The following LAMA1 variants were observed in gnomAD, a reference collection of about 807,000 sequenced individuals.
LAMA1 encodes the protein laminin subunit alpha 1, also known as laminin subunit alpha-1.
In LAMA1, 219 loss-of-function variants were observed where a neutral mutation model predicts 348.7. The observed-to-expected ratio is 0.63, with a 90% CI of 0.56 to 0.70. The LOEUF (loss-of-function observed/expected upper bound fraction) is 0.70, where lower values mean the gene tolerates loss of function less well. LAMA1 is among the 30% of genes least tolerant of loss of function. LAMA1 has a pLI of 0.00. For missense variants in LAMA1, 3,744 were observed against 3,888.0 expected, an observed-to-expected ratio of 0.96 and a Z score of 0.99; for synonymous variants, 1,487 against 1,491.0, an observed-to-expected ratio of 1.00 and a Z score of 0.06.
At chr18:6,955,228 G>A (rs1252427018) in intron 57 of LAMA1, 125 bp downstream of exon 57, 1 of 762,870 alleles carries the variant, frequency 1.3e-6, no homozygotes, top group Non-Finnish European at 2.3e-6. Context: ...TTGCCATTTG[G>A]TTGCAAATCA....
intron 18 of LAMA1, 123 bp from the exon 19 acceptor site, chr18:7,023,498 A>T: frequency 1.2e-6 from 1 of 832,878 alleles, no homozygotes; most frequent in Non-Finnish European, 2.0e-6. Context: ...ATTTACTGTG[A>T]AAGGGATATG....
chr18:7,009,524 T>C (rs774221277), intron 26 of LAMA1, among the ~76,000 whole-genome samples, 158 bp from the exon 27 acceptor site: 1 of 152,150 alleles, frequency 6.6e-6, no homozygotes, highest in African/African-American at 2.4e-5. Context: ...GAAACCTCCA[T>C]GGACAGGCGC....
At chr18:7,093,944 T>C (rs2058250290) in intron 1 of LAMA1, among the ~76,000 whole-genome samples, 1 of 151,766 alleles carries the variant, frequency 6.6e-6, no homozygotes, top group Admixed American at 6.6e-5. Flanking sequence ...CCCGGCTAAT[T>C]TTTTGTATTT....
chr18:7,095,036 C>T (rs1251146626), intron 1 of LAMA1, among the ~76,000 whole-genome samples: 1 of 147,864 alleles, frequency 6.8e-6, no homozygotes, highest in Non-Finnish European at 1.5e-5. Flanking sequence ...TCTATAGATT[C>T]TATCCGATTC....
intron 29 of LAMA1, among the ~76,000 whole-genome samples, chr18:7,006,344 T>C (rs1332448463): frequency 6.6e-6 from 1 of 152,072 alleles, no homozygotes; most frequent in Non-Finnish European, 1.5e-5. Context: ...GTGAATAATG[T>C]GCTGTTATCA....
At chr18:7,114,348 A>T (rs1477145284) in intron 1 of LAMA1, among the ~76,000 whole-genome samples, 27 of 152,218 alleles carry the variant, frequency 1.8e-4, no homozygotes. Context: ...GAAGTTAAGA[A>T]ACTTAGCCAT....
rs376978257 is a variant in LAMA1, at chr18:7,042,268, C to T, written c.1156-18G>A. ...GGAGACACCTGAAAGGCAGAGGTTGCCCTGGATTCTCTTACTAGAAATAAC... is the reference window on the plus strand; with the variant it reads ...GGAGACACCTGAAAGGCAGAGGTTGTCCTGGATTCTCTTACTAGAAATAAC... On this transcript the variant is annotated intron_variant, in intron 8 of 62. Transcript: ENST00000389658. 4.7e-6 allele frequency: 7 copies of T among 1,476,476 alleles called. No individual in the cohort carries two copies. The African/African-American group carries it at 9.7e-5, about 21-fold the overall frequency. The allele number at this position is 1,476,476 out of a possible 1,614,324, so 91.5% of individuals were successfully genotyped here. A position where few individuals can be genotyped will look rare whatever the true frequency, so the allele number is the denominator to read the frequency against.
At position 7,056,767 on chromosome 18, in the gene LAMA1, G is replaced by A. The variant is rs189040659; in HGVS notation, c.346-5831C>T. On this transcript the variant is annotated intron_variant, in intron 3 of 62. Coordinates refer to ENST00000389658, the MANE Select transcript of LAMA1 (RefSeq NM_005559.4). ...GTTATTCTGTTAGGTGGGGGAACAC[G>A]ATGGAGAGTGTGCAAGAAACAAAGA... Among the ~76,000 whole-genome samples the A allele has an allele frequency of 2.5e-3, 379 of 152,302 alleles. 4 individuals are homozygous for A. The highest frequency in any genetic ancestry group is 8.5e-3 in the African/African-American group (353 of 41,568).
rs751073243 is a variant in LAMA1 at position 7,040,236 on chromosome 18, C to T, written c.1262G>A (p.Gly421Glu). 6 of 1,613,892 alleles carry T rather than the reference C, an allele frequency of 3.7e-6. No homozygotes were observed. Among genetic ancestry groups the T allele is most frequent in the African/African-American group, 2.7e-5 (2 of 74,888 alleles). ...KDDLHSDLHNGKQPGQCPCKE... is the reference protein window; with the variant it reads ...KDDLHSDLHNEKQPGQCPCKE... ...ACATGGGCACTGACCTGGCTGCTTC[C>T]CTAGAAAGACAACAATGGCAATGAC... Residue 421 changes from glycine (G) to glutamate (E), a missense_variant and splice_region_variant, in exon 10 of 63, where the codon GGG becomes GAG. This residue lies in a region of LAMA1 where 1,529 missense variants were observed against 1,689.4 expected (regional missense o/e 0.91). Coordinates refer to ENST00000389658, the MANE Select transcript of LAMA1 (RefSeq NM_005559.4).
intron 1 of LAMA1, among the ~76,000 whole-genome samples, chr18:7,116,002 T>C (rs1598327510): frequency 6.7e-6 from 1 of 150,334 alleles, no homozygotes; most frequent in South Asian, 2.1e-4. Flanking sequence ...TCAAGGAGGC[T>C]AGTTAGGAAG....
chr18:6,961,611 C>A lies in LAMA1; in HGVS notation c.7601G>T (p.Arg2534Leu), dbSNP rs200639472. 1 of 1,613,852 alleles carries A rather than the reference C, an allele frequency of 6.2e-7. No individual in the cohort carries two copies. The highest frequency in any genetic ancestry group is 1.1e-5 in the South Asian group (1 of 91,046). Residue 2534 changes from arginine to leucine, a missense_variant, in exon 53 of 63, where the codon CGG becomes CTG. Around this residue, in one of 3 missense-constraint regions of LAMA1, gnomAD observed 1,983 missense variants for 1,934.3 expected, o/e 1.03. Coordinates refer to ENST00000389658, the MANE Select transcript of LAMA1 (RefSeq NM_005559.4). The stretch of plus-strand genomic sequence containing the variant: ...CACGTGTGCTTCCTCACGATCACCC[C>A]GCTTCTCCACATCCCCGCCGAGGGC... ...LAALGGDVEKRGDREEAHVPF... is the reference protein window; with the variant it reads ...LAALGGDVEKLGDREEAHVPF...
intron 3 of LAMA1, among the ~76,000 whole-genome samples, chr18:7,056,149 A>G (rs2058081171): frequency 6.6e-6 from 1 of 152,052 alleles, no homozygotes; most frequent in African/African-American, 2.4e-5. Flanking sequence ...GAACATCCTC[A>G]TAGCTACTCA....
chr18:7,075,025 T>C (rs1225931716), intron 3 of LAMA1, among the ~76,000 whole-genome samples: 1 of 129,996 alleles, frequency 7.7e-6, no homozygotes. Flanking sequence ...CTGACAGCTG[T>C]CATCAATTAG....
At chr18:7,042,027 G>A in intron 9 of LAMA1, 118 bp downstream of exon 9, 5 of 770,286 alleles carry the variant, frequency 6.5e-6, no homozygotes, top group Non-Finnish European at 1.1e-5. Context: ...CGTACTTGGT[G>A]AACAAAAGAA....
intron 1 of LAMA1, among the ~76,000 whole-genome samples, chr18:7,086,287 G>A (rs2058216935): frequency 6.6e-6 from 1 of 152,152 alleles, no homozygotes. Flanking sequence ...GATTTGAGGA[G>A]ATGTTCTAGA....
chr18:7,098,733 C>T (rs1248233615), intron 1 of LAMA1, among the ~76,000 whole-genome samples: 4 of 145,478 alleles, frequency 2.7e-5, no homozygotes, highest in Non-Finnish European at 6.1e-5. Context: ...GGTCAGCCCC[C>T]CGCCCGGCCA....
At chr18:7,047,522 G>C (rs7234561) in intron 5 of LAMA1, among the ~76,000 whole-genome samples, 8,413 of 152,182 alleles carry the variant, frequency 0.055, 812 homozygotes, top group African/African-American at 0.19. Flanking sequence ...ACAAATTGGT[G>C]TAAAGAATCA....
At position 7,011,434 on chromosome 18, in the gene LAMA1, T is replaced by C; in HGVS notation, c.3553A>G (p.Ser1185Gly). The change falls in exon 25 of 63, where the codon AGT becomes GGT. Residue 1185 changes from serine (S) to glycine (G), a missense_variant. By Grantham distance (56) the Ser-to-Gly change is moderately conservative. This residue lies in a region of LAMA1 where 1,529 missense variants were observed against 1,689.4 expected (regional missense o/e 0.91). Transcript: ENST00000389658. ...CCCTCGGTCGTGCCCCTCAAGTTACTCTGAGAAACCACACGCAGAAGAGGC... is the reference window on the plus strand; with the variant it reads ...CCCTCGGTCGTGCCCCTCAAGTTACCCTGAGAAACCACACGCAGAAGAGGC... ...DQPLLRVVSQ[S>G]NLRGTTEGVY... 6.2e-7 allele frequency: 1 copy of C among 1,608,832 alleles called. No homozygotes were observed. Among genetic ancestry groups the C allele is most frequent in the Non-Finnish European group, 8.5e-7 (1 of 1,178,006 alleles).
chr18:7,105,878 C>G (rs1465179991), intron 1 of LAMA1, among the ~76,000 whole-genome samples: 2 of 152,176 alleles, frequency 1.3e-5, no homozygotes, highest in Non-Finnish European at 2.9e-5. Context: ...GTCAGCAAAG[C>G]AAGACTAAAC....
Sources: gnomAD v4.1 joint callset for allele counts (sites outside exome capture counted in the v4.1 genomes callset) on GRCh38, gnomAD v4.1.1 for gene constraint, gnomAD v4.1.1 regional missense constraint, MANE v1.5 for transcripts, NCBI Gene and HGNC (gene_info 2026-07-23, HGNC 2026-07-21) for gene names.